Variants in FBH1 observed in about 807,000 individuals in gnomAD.
The protein encoded by FBH1 is DNA 3'-5' helicase 1.
FBH1 carries 43 observed loss-of-function variants against 115.5 expected under a neutral mutation model. That is an observed-to-expected ratio of 0.37 (90% CI 0.29 to 0.48). The LOEUF (loss-of-function observed/expected upper bound fraction) is 0.48. Ranked by LOEUF, FBH1 falls within the 20% of genes least tolerant of loss-of-function variation. The pLI is 0.99. For missense variants in FBH1, 1,001 were observed against 1,337.3 expected, an observed-to-expected ratio of 0.75 and a Z score of 3.92; for synonymous variants, 524 against 507.8, an observed-to-expected ratio of 1.03 and a Z score of -0.43.
rs1392379399 is a variant in FBH1, at chr10:5,909,709, T to A, written c.1020+415T>A. 3.3e-5 allele frequency among the ~76,000 whole-genome samples: 5 copies of A among 152,214 alleles called. No individual in the cohort carries two copies. Among genetic ancestry groups the A allele is most frequent in the African/African-American group, 1.2e-4 (5 of 41,460 alleles). ...GTCACACAATGAGGTAATGAGAAGC[T>A]GGAAATAACCCTCAGTCTCCTTGAA... On this transcript the variant is annotated intron_variant, in intron 5 of 20. Transcript: ENST00000362091. The surrounding 1 kb of genome is among the most constrained non-coding windows in gnomAD (Gnocchi z 4.4).
intron 1 of FBH1, among the ~76,000 whole-genome samples, chr10:5,890,821 C>T (rs1842670419): frequency 1.3e-5 from 2 of 151,096 alleles, no homozygotes; most frequent in East Asian, 3.9e-4. Flanking sequence ...GGAGGCCTGG[C>T]GCTGGTGGAG....
chr10:5,903,093 C>G lies in FBH1; in HGVS notation c.75C>G (p.Thr25=). 6.2e-7 allele frequency: 1 copy of G among 1,613,760 alleles called. No individual in the cohort carries two copies. The highest frequency in any genetic ancestry group is 2.2e-5 in the East Asian group (1 of 44,862). ...TGGCTCGGAGTCACTTGGCTGTGACCCAGCCCTTCGGTCAAAGATGGACAA... is the reference window on the plus strand; with the variant it reads ...TGGCTCGGAGTCACTTGGCTGTGACGCAGCCCTTCGGTCAAAGATGGACAA... The part of the protein sequence containing the change: ...QHLARSHLAV[T]QPFGQRWTNR... Residue 25 remains threonine (T), a synonymous_variant, in exon 2 of 21, where the codon ACC becomes ACG. Transcript: ENST00000362091.
chr10:5,893,718 G>C (rs973825481), intron 1 of FBH1, among the ~76,000 whole-genome samples: 1 of 152,106 alleles, frequency 6.6e-6, no homozygotes, highest in Non-Finnish European at 1.5e-5. Context: ...TTAGTAACTT[G>C]TGTTTGTTTT....
intron 18 of FBH1, among the ~76,000 whole-genome samples, chr10:5,926,116 CTTCTTATTATTA>C (rs1174985869): frequency 5.1e-4 from 38 of 74,240 alleles, no homozygotes; most frequent in East Asian, 1.5e-3. Flanking sequence ...TATTCTTATT[CTTCTTATTATTA>C]TTATTATTTT....
chr10:5,890,099 G>A (rs910456288), upstream of FBH1: 1 of 317,192 alleles, frequency 3.2e-6, no homozygotes, highest in Admixed American at 5.0e-5. Flanking sequence ...ATTGGCGTTA[G>A]TGGCCGTCCG....
chr10:5,898,860 G>T (rs1160189349), intron 1 of FBH1, among the ~76,000 whole-genome samples: 1 of 152,228 alleles, frequency 6.6e-6, no homozygotes, highest in Non-Finnish European at 1.5e-5. Flanking sequence ...AGGTGGGCTA[G>T]CTGCTTACCT....
Position 5,925,583 on chromosome 10 carries a change from T to C in FBH1, c.2722+91T>C, listed in dbSNP as rs944666318. The C allele has an allele frequency of 1.3e-6, 2 of 1,546,568 alleles. No homozygotes were observed. The highest frequency in any genetic ancestry group is 2.7e-5 in the African/African-American group (2 of 72,978). On this transcript the variant is annotated intron_variant, in intron 18 of 20. Coordinates refer to ENST00000362091, the MANE Select transcript of FBH1 (RefSeq NM_178150.3). The surrounding 1 kb of genome is among the most constrained non-coding windows in gnomAD (Gnocchi z 4.6). ...TTGCACGGCCTTGTTGTTTGTTGGA[T>C]GGTGTGGCCTCCTGGTAGGGCACTT... is the stretch of plus-strand genomic sequence containing the variant.
chr10:5,913,604 C>A lies in FBH1; in HGVS notation c.1212-143C>A. Reference sequence around the variant, plus strand: ...TTGCCAGCCATAGATATATTTAAATCCTTTTCTTTCTTTTTTCCATTAAAT... The same window carrying A: ...TTGCCAGCCATAGATATATTTAAATACTTTTCTTTCTTTTTTCCATTAAAT... On this transcript the variant is annotated intron_variant, in intron 6 of 20. Coordinates refer to ENST00000362091, the MANE Select transcript of FBH1 (RefSeq NM_178150.3). This position sits in a 1 kb window ranked among gnomAD's most constrained non-coding sequence, Gnocchi z 4.4. 1.8e-6 allele frequency: 1 copy of A among 569,718 alleles called. No homozygotes were observed. The highest frequency in any genetic ancestry group is 3.0e-6 in the Non-Finnish European group (1 of 334,578). The allele number at this position is 569,718 out of a possible 1,614,324, so 35.3% of individuals were successfully genotyped here.
intron 1 of FBH1, chr10:5,893,925 C>A: frequency 2.2e-6 from 2 of 892,982 alleles, no homozygotes; most frequent in Non-Finnish European, 2.7e-6. Context: ...ATATTCTAGA[C>A]CATAAGTAGT....
At chr10:5,907,468 G>GGTTTTTTTTTTTT (rs1843772301) in intron 3 of FBH1, among the ~76,000 whole-genome samples, 1 of 130,898 alleles carries the variant, frequency 7.6e-6, no homozygotes. Context: ...TTTTGTTGTT[G>GGTTTTTTTTTTTT]TTGGTTTTTT....
At chr10:5,920,840 G>C (rs12244285) in intron 13 of FBH1, among the ~76,000 whole-genome samples, 7,597 of 152,234 alleles carry the variant, frequency 0.05, 600 homozygotes, top group African/African-American at 0.17. Flanking sequence ...ACAGAAAACC[G>C]CGTGGGCTGA....
intron 13 of FBH1, among the ~76,000 whole-genome samples, chr10:5,919,846 A>G (rs1465787163): frequency 6.6e-6 from 1 of 152,214 alleles, no homozygotes; most frequent in Non-Finnish European, 1.5e-5. Context: ...TTTTTAGAAC[A>G]GTTTCAGATT....
rs745742162 is a variant in FBH1 at position 5,921,619 on chromosome 10, G to A, written c.2322+50G>A. The A allele has an allele frequency of 3.8e-6, 6 of 1,572,244 alleles. No homozygotes were observed. Among genetic ancestry groups the A allele is most frequent in the East Asian group, 4.6e-5 (2 of 43,902 alleles). Reference sequence around the variant, plus strand: ...CTTCATGCACAGAAACGTTGTAGACGAACATACCCAATGGAAATGTTCACC... The same window carrying A: ...CTTCATGCACAGAAACGTTGTAGACAAACATACCCAATGGAAATGTTCACC... On this transcript the variant is annotated intron_variant, in intron 15 of 20. Coordinates refer to ENST00000362091, the MANE Select transcript of FBH1 (RefSeq NM_178150.3). This position sits in a 1 kb window ranked among gnomAD's most constrained non-coding sequence, Gnocchi z 6.4.
rs760468220 is a variant in FBH1 at position 5,937,195 on chromosome 10, C to A, written c.3047C>A (p.Ser1016Tyr). 8 of 1,613,948 alleles carry A rather than the reference C, an allele frequency of 5.0e-6. No individual in the cohort carries two copies. In the South Asian group the frequency reaches 8.8e-5, roughly 18 times the overall value. The change falls in exon 21 of 21, where the codon TCC (serine) becomes TAC (tyrosine). Residue 1016 changes from serine to tyrosine, a missense_variant. By Grantham distance (144) the Ser-to-Tyr change is moderately radical. Around this residue, in one of 4 missense-constraint regions of FBH1, gnomAD observed 521 missense variants for 811.0 expected, o/e 0.64. Coordinates refer to ENST00000362091, the MANE Select transcript of FBH1 (RefSeq NM_178150.3). ...GGGCCCCTGGCGTTCCTGACAGCCT[C>A]CCCGGAGCAGGTGCGCGCCATGGAG... Reference protein sequence around the residue: ...RIGPLAFLTASPEQVRAMERT... With the variant: ...RIGPLAFLTAYPEQVRAMERT...
Position 5,921,331 on chromosome 10 carries a change from A to G in FBH1, c.2174A>G (p.Lys725Arg). 1 of 1,614,206 alleles carries G rather than the reference A, an allele frequency of 6.2e-7. No homozygotes were observed. Residue 725 changes from lysine to arginine, a missense_variant, in exon 14 of 21, where the codon AAG becomes AGG. Lys to Arg is a conservative substitution (Grantham distance 26). Around this residue, in one of 4 missense-constraint regions of FBH1, gnomAD observed 521 missense variants for 811.0 expected, o/e 0.64. Transcript: ENST00000362091. This position sits in a 1 kb window ranked among gnomAD's most constrained non-coding sequence, Gnocchi z 6.4. ...GATGTTTGCAAGAGAGTCAGGAAAA[A>G]GACTTTGGTTGGAGGAAACCATCAG... ...ILDVCKRVRKKTLVGGNHQSG... is the reference protein window; with the variant it reads ...ILDVCKRVRKRTLVGGNHQSG...
rs745782058 is a variant in FBH1, at chr10:5,936,431, CTCTT to C, written c.2830-21_2830-18del. The C allele has an allele frequency of 6.2e-7, 1 of 1,610,920 alleles. No individual in the cohort carries two copies. Among genetic ancestry groups the C allele is most frequent in the Non-Finnish European group, 8.5e-7 (1 of 1,178,540 alleles). On this transcript the variant is annotated intron_variant, in intron 19 of 20. Transcript: ENST00000362091. The surrounding 1 kb of genome is among the most constrained non-coding windows in gnomAD (Gnocchi z 5.6). ...CCCTAACGGAGGTGTCGCCATGACT[CTCTT>C]TCTCGCTCTTTCTTTCTCAGGAGTA... is the stretch of plus-strand genomic sequence containing the variant.
Position 5,922,333 on chromosome 10 carries a change from T to C in FBH1, c.2322+764T>C, listed in dbSNP as rs182458227. Among the ~76,000 whole-genome samples the C allele has an allele frequency of 3.6e-3, 550 of 152,344 alleles. 2 individuals are homozygous for C. The highest frequency in any genetic ancestry group is 5.4e-3 in the Non-Finnish European group (368 of 68,030). ...TTTTTGCTATTTTTGTCTTTGTCCTTATAGATGTGTATTTTTGCATAATTG... is the reference window on the plus strand; with the variant it reads ...TTTTTGCTATTTTTGTCTTTGTCCTCATAGATGTGTATTTTTGCATAATTG... On this transcript the variant is annotated intron_variant, in intron 15 of 20. Coordinates refer to ENST00000362091, the MANE Select transcript of FBH1 (RefSeq NM_178150.3).
intron 1 of FBH1, among the ~76,000 whole-genome samples, chr10:5,898,484 C>T (rs1161924838): frequency 2.0e-5 from 3 of 152,050 alleles, no homozygotes; most frequent in African/African-American, 7.3e-5. Flanking sequence ...AATCTTGGCT[C>T]ACAGCAACCT....
In FBH1 at chr10:5,927,552, C is replaced by A. The variant is rs777525905; in HGVS notation, c.2829+11C>A. 6.2e-7 allele frequency: 1 copy of A among 1,604,412 alleles called. No homozygotes were observed. The highest frequency in any genetic ancestry group is 8.5e-7 in the Non-Finnish European group (1 of 1,173,218). On this transcript the variant is annotated intron_variant, in intron 19 of 20. Transcript: ENST00000362091. ...TTGACTTTGGCTGGGGTAAGCAGAA[C>A]GGGCAGCATGAGCTAACTTGATGCC...
Sources: gnomAD v4.1 joint callset for allele counts (sites outside exome capture counted in the v4.1 genomes callset) on GRCh38, gnomAD v4.1.1 for gene constraint, gnomAD v4.1.1 regional missense constraint, Gnocchi (gnomAD v3.1) non-coding constraint, MANE v1.5 for transcripts, NCBI Gene and HGNC (gene_info 2026-07-23, HGNC 2026-07-21) for gene names.